The following SGCZ variants were observed in gnomAD, a reference collection of about 807,000 sequenced individuals.
SGCZ encodes zeta-sarcoglycan.
In SGCZ, 40 loss-of-function variants were observed where a neutral mutation model predicts 41.3. The observed-to-expected ratio is 0.97, with a 90% CI of 0.75 to 1.26. SGCZ has a LOEUF of 1.26. Ranked by LOEUF, SGCZ falls within the 50% of genes most tolerant of loss-of-function variation. The pLI, the probability that SGCZ is intolerant of heterozygous loss-of-function variation, is 0.00. For missense variants in SGCZ, 552 were observed against 369.8 expected (o/e 1.49, Z -4.04); for synonymous variants, 206 against 137.5 (o/e 1.50, Z -3.49).
intron 1 of SGCZ, among the ~76,000 whole-genome samples, chr8:14,606,147 A>T (rs7465427): frequency 0.16 from 23,952 of 151,944 alleles, 2,308 homozygotes; most frequent in Non-Finnish European, 0.21. Flanking sequence ...GACTTCACTA[A>T]TGCTAAAATA....
chr8:14,404,717 G>A (rs1001939660), intron 2 of SGCZ, among the ~76,000 whole-genome samples: 6 of 152,228 alleles, frequency 3.9e-5, no homozygotes, highest in African/African-American at 1.2e-4. Flanking sequence ...CTGACATACA[G>A]GCCTGTCATG....
chr8:15,204,656 C>G (rs1261711023), intron 1 of SGCZ, among the ~76,000 whole-genome samples: 2 of 152,146 alleles, frequency 1.3e-5, no homozygotes, highest in South Asian at 2.1e-4. Flanking sequence ...GATAGAAAGA[C>G]TCATCTCAAG....
chr8:14,541,419 T>C (rs1447559822), intron 2 of SGCZ, among the ~76,000 whole-genome samples: 1 of 152,064 alleles, frequency 6.6e-6, no homozygotes, highest in Non-Finnish European at 1.5e-5. Flanking sequence ...CTGTGTTAGT[T>C]TGCTGAAGAT....
chr8:14,491,482 C>T (rs970584757), intron 2 of SGCZ, among the ~76,000 whole-genome samples: 4 of 152,072 alleles, frequency 2.6e-5, no homozygotes, highest in Non-Finnish European at 5.9e-5. Context: ...AGTAATGTAC[C>T]AAACATAACT....
intron 5 of SGCZ, among the ~76,000 whole-genome samples, chr8:14,163,185 A>T (rs530942181): frequency 3.0e-4 from 46 of 152,268 alleles, no homozygotes; most frequent in South Asian, 1.2e-3. Context: ...TTAACTTTTA[A>T]GTTCAGGAGT....
At chr8:14,860,501 A>G (rs962018789) in intron 1 of SGCZ, among the ~76,000 whole-genome samples, 2 of 151,348 alleles carry the variant, frequency 1.3e-5, no homozygotes, top group Admixed American at 1.3e-4. Flanking sequence ...GAGAAAGAGG[A>G]AAAGAGACAG....
chr8:15,237,578 C>A lies in SGCZ; in HGVS notation c.39+7G>T. 1.3e-6 allele frequency: 2 copies of A among 1,588,316 alleles called. No individual in the cohort carries two copies. Among genetic ancestry groups the A allele is most frequent in the Non-Finnish European group, 1.7e-6 (2 of 1,165,452 alleles). ...CGGCCGCGAAGCCCGCCCGGACCCGCACGTACCTTGAGCTCCTCAATGTCC... is the reference window on the plus strand; with the variant it reads ...CGGCCGCGAAGCCCGCCCGGACCCGAACGTACCTTGAGCTCCTCAATGTCC... On this transcript the variant is annotated splice_region_variant and intron_variant, in intron 1 of 7. Coordinates refer to ENST00000382080, the MANE Select transcript of SGCZ (RefSeq NM_139167.4).
chr8:14,668,829 A>G (rs528225537), intron 1 of SGCZ, among the ~76,000 whole-genome samples: 1 of 152,156 alleles, frequency 6.6e-6, no homozygotes, highest in Non-Finnish European at 1.5e-5. Flanking sequence ...TATTTAAGGT[A>G]TGCAGGTTGA....
intron 1 of SGCZ, among the ~76,000 whole-genome samples, chr8:14,695,143 T>C (rs1301439225): frequency 6.6e-6 from 1 of 151,966 alleles, no homozygotes; most frequent in Non-Finnish European, 1.5e-5. Context: ...CAATCTTAGT[T>C]GCAATGGGAG....
intron 1 of SGCZ, among the ~76,000 whole-genome samples, chr8:14,763,719 A>G (rs1369699619): frequency 6.6e-6 from 1 of 152,194 alleles, no homozygotes; most frequent in East Asian, 1.9e-4. Flanking sequence ...ATCTATCTAC[A>G]ATAAGTAACA....
intron 1 of SGCZ, among the ~76,000 whole-genome samples, chr8:14,866,825 AGTTT>A (rs1272719713): frequency 6.6e-6 from 1 of 152,074 alleles, no homozygotes; most frequent in African/African-American, 2.4e-5. Context: ...AAAGGTTTGG[AGTTT>A]GTTTGTCTCA....
chr8:14,886,030 T>TATATATATACATAC (rs1554517469), intron 1 of SGCZ, among the ~76,000 whole-genome samples: 2 of 98,944 alleles, frequency 2.0e-5, no homozygotes, highest in Non-Finnish European at 4.1e-5. Context: ...TATATATATA[T>TATATATATACATAC]ATATAAAATT....
At chr8:14,837,072 T>A (rs932533150) in intron 1 of SGCZ, among the ~76,000 whole-genome samples, 5 of 152,224 alleles carry the variant, frequency 3.3e-5, no homozygotes, top group Non-Finnish European at 7.3e-5. Flanking sequence ...TAAATACCTG[T>A]AGCTCTTACA....
chr8:14,523,997 A>C (rs1184261263), intron 2 of SGCZ, among the ~76,000 whole-genome samples: 1 of 152,016 alleles, frequency 6.6e-6, no homozygotes, highest in Non-Finnish European at 1.5e-5. Context: ...TTATGTACTC[A>C]TCATTCTGCT....
chr8:14,496,298 G>A (rs763721416), intron 2 of SGCZ, among the ~76,000 whole-genome samples: 1 of 152,020 alleles, frequency 6.6e-6, no homozygotes, highest in Non-Finnish European at 1.5e-5. Flanking sequence ...GGAATTCTTG[G>A]CTTCTTGTAT....
At chr8:14,437,441 T>A (rs912185167) in intron 2 of SGCZ, among the ~76,000 whole-genome samples, 4 of 152,128 alleles carry the variant, frequency 2.6e-5, no homozygotes, top group African/African-American at 9.7e-5. Flanking sequence ...AACAAATGTG[T>A]CATCTATTAA....
chr8:14,489,775 G>C (rs11203616), intron 2 of SGCZ, among the ~76,000 whole-genome samples: 1 of 148,616 alleles, frequency 6.7e-6, no homozygotes, highest in African/African-American at 2.5e-5. Flanking sequence ...CTAGGCCTCA[G>C]TTAATAAACA....
At chr8:14,519,207 T>C (rs1324330288) in intron 2 of SGCZ, among the ~76,000 whole-genome samples, 1 of 152,062 alleles carries the variant, frequency 6.6e-6, no homozygotes, top group East Asian at 1.9e-4. Context: ...AGAATGCTGA[T>C]TTGATTCTTG....
chr8:14,214,010 AG>A (rs143038977), intron 4 of SGCZ, among the ~76,000 whole-genome samples: 6,155 of 152,224 alleles, frequency 0.04, 169 homozygotes, highest in Middle Eastern at 0.11. Flanking sequence ...TTTTTCAAGT[AG>A]TACAGTATTT....
Sources: allele counts gnomAD v4.1 joint callset (sites outside exome capture counted in the v4.1 genomes callset), GRCh38; gene constraint gnomAD v4.1.1; transcripts MANE v1.5; gene names NCBI Gene and HGNC (gene_info 2026-07-23, HGNC 2026-07-21).